Variants in ITPK1 observed in about 807,000 individuals in gnomAD.
ITPK1 encodes inositol-tetrakisphosphate 1-kinase.
ITPK1 carries 21 observed loss-of-function variants against 45.3 expected under a neutral mutation model. The observed-to-expected ratio is 0.46, with a 90% CI of 0.33 to 0.67. The LOEUF (loss-of-function observed/expected upper bound fraction) is 0.67, where lower values mean the gene tolerates loss of function less well. Ranked by LOEUF, ITPK1 falls within the 30% of genes least tolerant of loss-of-function variation. ITPK1 has a pLI of 0.02. For synonymous variants in ITPK1, 258 were observed against 253.6 expected, an observed-to-expected ratio of 1.02 and a Z score of -0.16; for missense variants, 474 against 573.5, an observed-to-expected ratio of 0.83 and a Z score of 1.77.
At chr14:92,962,595 G>A (rs1335846933) in intron 6 of ITPK1, among the ~76,000 whole-genome samples, 156 bp downstream of exon 6, 1 of 152,122 alleles carries the variant, frequency 6.6e-6, no homozygotes, top group Admixed American at 6.5e-5. Context: ...ACCAGGACCC[G>A]TTTCTATGGT....
intron 3 of ITPK1, chr14:93,067,535 G>C (rs78526176): frequency 1.3e-5 from 2 of 152,068 alleles, no homozygotes; most frequent in Non-Finnish European, 2.9e-5. Context: ...ACTGCAACAC[G>C]GTGACAGCTT....
chr14:92,971,740 C>G lies in ITPK1; in HGVS notation c.365-8891G>C, dbSNP rs562293008. Among the ~76,000 whole-genome samples the G allele has an allele frequency of 5.9e-5, 9 of 152,332 alleles. No homozygotes were observed. The East Asian group carries it at 1.2e-3, about 20-fold the overall frequency. ...TGCCATGACTGGGACCGCCAATGCT[C>G]TGATCTGATATCTGTAAACTAGGCC... On this transcript the variant is annotated intron_variant, in intron 5 of 10. Transcript: ENST00000267615.
chr14:93,031,247 AGAG>A (rs953571631), intron 3 of ITPK1, among the ~76,000 whole-genome samples: 2 of 152,068 alleles, frequency 1.3e-5, no homozygotes, highest in African/African-American at 2.4e-5. Context: ...GGTCCCGAGC[AGAG>A]GAGGCCAGCG....
chr14:92,989,065 C>A (rs1886647237), intron 5 of ITPK1, among the ~76,000 whole-genome samples: 1 of 152,152 alleles, frequency 6.6e-6, no homozygotes, highest in African/African-American at 2.4e-5. Flanking sequence ...AGCAGCTCCC[C>A]ACCAATCACA....
At chr14:92,968,497 G>A (rs906883123) in intron 5 of ITPK1, among the ~76,000 whole-genome samples, 2 of 152,042 alleles carry the variant, frequency 1.3e-5, no homozygotes, top group Non-Finnish European at 2.9e-5. Flanking sequence ...CCCTACACAC[G>A]CATTGAGTCT....
Position 92,938,070 on chromosome 14 carries a change from C to T in ITPK1, c.*3491G>A, listed in dbSNP as rs1887200535. 1 of 212,860 alleles carries T rather than the reference C, an allele frequency of 4.7e-6. No homozygotes were observed. The highest frequency in any genetic ancestry group is 2.3e-5 in the African/African-American group (1 of 42,836). 13.2% of individuals were successfully genotyped at this position (212,860 alleles called of 1,614,324 possible). The stretch of plus-strand genomic sequence containing the variant: ...CGCCTCCCGAGTTCAAGCAATTCTC[C>T]TGCCTCAGCCTCCCAAGTAGCTGGG... On this transcript the variant is annotated 3_prime_UTR_variant, in exon 11 of 11. Transcript: ENST00000267615.
At position 92,973,698 on chromosome 14, in the gene ITPK1, C is replaced by T. The variant is rs569842004; in HGVS notation, c.365-10849G>A. 4.6e-5 allele frequency among the ~76,000 whole-genome samples: 7 copies of T among 152,352 alleles called. No individual in the cohort carries two copies. In the South Asian group the frequency reaches 1.5e-3, roughly 32 times the overall value. The stretch of plus-strand genomic sequence containing the variant: ...TTTGGCCAGCGATGACGATGGCAGC[C>T]ACCCAGTAACACCCACAGTCAACTC... On this transcript the variant is annotated intron_variant, in intron 5 of 10. Transcript: ENST00000267615.
intron 9 of ITPK1, among the ~76,000 whole-genome samples, chr14:92,951,062 T>C (rs917607695): frequency 6.6e-6 from 1 of 151,846 alleles, no homozygotes; most frequent in Non-Finnish European, 1.5e-5. Flanking sequence ...GCCACTGGAG[T>C]GGAGGCTGGT....
In ITPK1 at chr14:92,937,634, G is replaced by A. The variant is rs1390984653; in HGVS notation, c.*3927C>T. 1.3e-5 allele frequency: 2 copies of A among 152,422 alleles called. No individual in the cohort carries two copies. The highest frequency in any genetic ancestry group is 6.5e-5 in the Admixed American group (1 of 15,294). 9.4% of individuals were successfully genotyped at this position (152,422 alleles called of 1,614,324 possible). A position where few individuals can be genotyped will look rare whatever the true frequency, so the allele number is the denominator to read the frequency against. On this transcript the variant is annotated 3_prime_UTR_variant, in exon 11 of 11. Coordinates refer to ENST00000267615, the MANE Select transcript of ITPK1 (RefSeq NM_014216.6). Reference sequence around the variant, plus strand: ...CACACTGACAATGGCTGTGCAGAGAGAAGGTACACAGCACAGACCCTTTCT... The same window carrying A: ...CACACTGACAATGGCTGTGCAGAGAAAAGGTACACAGCACAGACCCTTTCT...
intron 2 of ITPK1, among the ~76,000 whole-genome samples, chr14:93,082,475 T>C (rs987783676): frequency 1.3e-5 from 2 of 152,176 alleles, no homozygotes; most frequent in Non-Finnish European, 2.9e-5. Flanking sequence ...TTTTCTTATC[T>C]GTAAAATGGG....
rs530101286 is a variant in ITPK1 at position 93,036,317 on chromosome 14, G to A, written c.121-19516C>T. ...AATGTCTAAAGGGCATCCGGTTGAG[G>A]CCACAAGGTCATGCTCTGTGACAGC... On this transcript the variant is annotated intron_variant, in intron 3 of 10. Transcript: ENST00000267615. This position sits in a 1 kb window ranked among gnomAD's most constrained non-coding sequence, Gnocchi z 4.1. Among the ~76,000 whole-genome samples, 1 of 152,308 alleles carries A rather than the reference G, an allele frequency of 6.6e-6. No homozygotes were observed. The highest frequency in any genetic ancestry group is 2.4e-5 in the African/African-American group (1 of 41,558).
At chr14:92,973,266 C>T (rs1470016020) in intron 5 of ITPK1, among the ~76,000 whole-genome samples, 1 of 152,240 alleles carries the variant, frequency 6.6e-6, no homozygotes, top group Non-Finnish European at 1.5e-5. Context: ...TAAGAACCAT[C>T]TCTCTGGCAC....
chr14:93,031,755 G>A (rs981589075), intron 3 of ITPK1, among the ~76,000 whole-genome samples: 7 of 152,164 alleles, frequency 4.6e-5, no homozygotes, highest in Admixed American at 1.3e-4. Context: ...CCTGGCTTCC[G>A]GCCTGGGATG....
intron 3 of ITPK1, among the ~76,000 whole-genome samples, chr14:93,028,078 C>T (rs117366230): frequency 0.027 from 4,071 of 152,338 alleles, 98 homozygotes; most frequent in Admixed American, 0.085. Flanking sequence ...CACAGCCACA[C>T]GCCCAACATG....
At chr14:93,045,066 C>T (rs1889720805) in intron 3 of ITPK1, among the ~76,000 whole-genome samples, 1 of 152,252 alleles carries the variant, frequency 6.6e-6, no homozygotes, top group African/African-American at 2.4e-5. Context: ...CAGCCCAGTG[C>T]CATGCTGCTT....
Position 93,063,618 on chromosome 14 carries a change from C to A in ITPK1, c.120+12977G>T, listed in dbSNP as rs1890623241. 1.3e-5 allele frequency among the ~76,000 whole-genome samples: 2 copies of A among 152,198 alleles called. No individual in the cohort carries two copies. The highest frequency in any genetic ancestry group is 1.3e-4 in the Admixed American group (2 of 15,290). ...GTGCCACTACCCAGGACTGCACAGC[C>A]TTGGAGGGATGGAGCTGGAACTAGG... On this transcript the variant is annotated intron_variant, in intron 3 of 10. Coordinates refer to ENST00000267615, the MANE Select transcript of ITPK1 (RefSeq NM_014216.6). This position sits in a 1 kb window ranked among gnomAD's most constrained non-coding sequence, Gnocchi z 4.3.
At chr14:93,021,287 G>C (rs751521721) in intron 3 of ITPK1, among the ~76,000 whole-genome samples, 1 of 151,972 alleles carries the variant, frequency 6.6e-6, no homozygotes, top group Non-Finnish European at 1.5e-5. Flanking sequence ...GAACCTCATG[G>C]ACAGACTTCC....
In ITPK1 at chr14:92,958,214, G is replaced by A. The variant is rs759599518; in HGVS notation, c.657C>T (p.Ser219=). The A allele has an allele frequency of 2.5e-5, 40 of 1,614,060 alleles. No homozygotes were observed. Among genetic ancestry groups the A allele is most frequent in the Middle Eastern group, 1.6e-4 (1 of 6,084 alleles). The change falls in exon 8 of 11, where the codon TCC becomes TCT. Residue 219 remains serine (S), a synonymous_variant. Transcript: ENST00000267615. The surrounding 1 kb of genome is among the most constrained non-coding windows in gnomAD (Gnocchi z 4.4). ...AAGAGCAGTTACCTGATGTGCCTGC[G>A]GAGAAGTTCTTGAGTGAGGGCCTCT... ...VVQRPSLKNF[S]AGTSDRESIF...
intron 5 of ITPK1, among the ~76,000 whole-genome samples, chr14:92,967,369 C>G (rs1403810923): frequency 6.6e-6 from 1 of 152,202 alleles, no homozygotes; most frequent in East Asian, 1.9e-4. Flanking sequence ...TGAGACACCA[C>G]TTTACACCTA....
Sources: allele counts gnomAD v4.1 joint callset (sites outside exome capture counted in the v4.1 genomes callset), GRCh38; gene constraint gnomAD v4.1.1; non-coding constraint Gnocchi (gnomAD v3.1); transcripts MANE v1.5; gene names NCBI Gene and HGNC (gene_info 2026-07-23, HGNC 2026-07-21).